The following TTC29 variants were observed in gnomAD, a reference collection of about 807,000 sequenced individuals.
TTC29 encodes tetratricopeptide repeat protein 29.
TTC29 carries 49 observed loss-of-function variants against 58.1 expected under a neutral mutation model. The ratio of observed to expected loss-of-function variants is 0.84; its 90% CI spans 0.67 to 1.07. The LOEUF (loss-of-function observed/expected upper bound fraction) is 1.07. Among genes scored for constraint, TTC29 ranks in the 50% least tolerant of loss-of-function variants. The pLI is 0.00. For synonymous variants in TTC29, 209 were observed against 196.8 expected, an observed-to-expected ratio of 1.06 and a Z score of -0.52; for missense variants, 582 against 555.6, an observed-to-expected ratio of 1.05 and a Z score of -0.48.
At chr4:146,891,864 T>C (rs574055794) in intron 6 of TTC29, among the ~76,000 whole-genome samples, 3 of 152,288 alleles carry the variant, frequency 2.0e-5, no homozygotes, top group South Asian at 2.1e-4. Context: ...TATGGAATTA[T>C]TGCCTGGGAT....
chr4:146,769,726 T>C (rs1414405745), intron 11 of TTC29, among the ~76,000 whole-genome samples: 1 of 152,078 alleles, frequency 6.6e-6, no homozygotes, highest in East Asian at 1.9e-4. Context: ...ACAGTGACCC[T>C]GAATTGGGTT....
intron 11 of TTC29, among the ~76,000 whole-genome samples, chr4:146,780,409 A>T (rs974610120): frequency 6.6e-6 from 1 of 150,932 alleles, no homozygotes; most frequent in Non-Finnish European, 1.5e-5. Context: ...AAAATGCCTA[A>T]ATTATATCAA....
At chr4:146,734,344 A>C (rs1455619857) in intron 11 of TTC29, among the ~76,000 whole-genome samples, 2 of 152,094 alleles carry the variant, frequency 1.3e-5, no homozygotes, top group African/African-American at 4.8e-5. Flanking sequence ...GAGGGTATGA[A>C]AGCTCTGCAC....
chr4:146,784,937 A>G (rs1156425115), intron 11 of TTC29, among the ~76,000 whole-genome samples: 3 of 152,190 alleles, frequency 2.0e-5, no homozygotes, highest in Non-Finnish European at 4.4e-5. Flanking sequence ...ACATAATTTA[A>G]TCTTTTCTTG....
intron 10 of TTC29, among the ~76,000 whole-genome samples, chr4:146,811,265 A>C (rs1751004583): frequency 6.6e-6 from 1 of 152,140 alleles, no homozygotes; most frequent in Non-Finnish European, 1.5e-5. Flanking sequence ...TATGTCATTA[A>C]CTTTCACATG....
intron 9 of TTC29, among the ~76,000 whole-genome samples, chr4:146,825,799 A>C (rs1011376685): frequency 6.6e-6 from 1 of 152,210 alleles, no homozygotes; most frequent in Non-Finnish European, 1.5e-5. Flanking sequence ...CATTGGGTGC[A>C]TATATATTTA....
intron 9 of TTC29, among the ~76,000 whole-genome samples, chr4:146,821,204 G>A (rs1751795008): frequency 6.6e-6 from 1 of 152,256 alleles, no homozygotes; most frequent in South Asian, 2.1e-4. Flanking sequence ...TAGAGGCTGA[G>A]GAAAGTGGAG....
At chr4:146,715,019 G>A (rs1742824386) in intron 11 of TTC29, among the ~76,000 whole-genome samples, 1 of 151,764 alleles carries the variant, frequency 6.6e-6, no homozygotes, top group Non-Finnish European at 1.5e-5. Context: ...AAAAATTCTT[G>A]TAGAGATGGG....
intron 11 of TTC29, among the ~76,000 whole-genome samples, chr4:146,728,378 A>T (rs1743946293): frequency 6.6e-6 from 1 of 151,990 alleles, no homozygotes; most frequent in Non-Finnish European, 1.5e-5. Flanking sequence ...AGTTGTTTGC[A>T]ATCTTTTGTA....
intron 4 of TTC29, among the ~76,000 whole-genome samples, chr4:146,933,448 GATA>G (rs1216455185): frequency 2.6e-5 from 4 of 152,180 alleles, no homozygotes; most frequent in Admixed American, 1.3e-4. Flanking sequence ...ATTATGATAT[GATA>G]ATAAGTGATA....
At chr4:146,721,646 G>A (rs764633256) in intron 11 of TTC29, among the ~76,000 whole-genome samples, 4 of 152,080 alleles carry the variant, frequency 2.6e-5, no homozygotes, top group Non-Finnish European at 4.4e-5. Flanking sequence ...GACAGAGTGA[G>A]TTAACGCATC....
intron 11 of TTC29, among the ~76,000 whole-genome samples, chr4:146,763,389 A>T (rs1747052572): frequency 6.6e-6 from 1 of 152,058 alleles, no homozygotes; most frequent in Non-Finnish European, 1.5e-5. Context: ...AATTTTGTTG[A>T]TGATAATCCA....
intron 10 of TTC29, among the ~76,000 whole-genome samples, chr4:146,804,250 C>T (rs1290561879): frequency 6.6e-6 from 1 of 152,154 alleles, no homozygotes. Context: ...CTTCGCAACC[C>T]ACAGACCAGG....
intron 11 of TTC29, among the ~76,000 whole-genome samples, chr4:146,762,356 T>C (rs1746974705): frequency 6.6e-6 from 1 of 151,466 alleles, no homozygotes; most frequent in Non-Finnish European, 1.5e-5. Flanking sequence ...CTTTTTTTTT[T>C]TTTTTTCCTG....
chr4:146,722,163 A>G (rs988411401), intron 11 of TTC29, among the ~76,000 whole-genome samples: 7 of 152,168 alleles, frequency 4.6e-5, no homozygotes, highest in African/African-American at 1.2e-4. Flanking sequence ...CAAAGAAACC[A>G]TAGATGACAC....
At chr4:146,747,779 C>T (rs1186465907) in intron 11 of TTC29, among the ~76,000 whole-genome samples, 1 of 152,192 alleles carries the variant, frequency 6.6e-6, no homozygotes, top group African/African-American at 2.4e-5. Context: ...TTTCTAGAGC[C>T]AAGAATATGT....
At chr4:146,934,139 G>T (rs10471110) in intron 4 of TTC29, 3,334 of 152,478 alleles carry the variant, frequency 0.022, 107 homozygotes, top group African/African-American at 0.075. Context: ...ATGATCTAAT[G>T]TTTTCAAAAG....
intron 10 of TTC29, among the ~76,000 whole-genome samples, chr4:146,805,040 C>T (rs908085562): frequency 2.0e-5 from 3 of 152,012 alleles, no homozygotes; most frequent in Admixed American, 6.6e-5. Flanking sequence ...GAGGAAGGAA[C>T]AGGCAGCAAT....
At chr4:146,765,452 T>C (rs758796767) in intron 11 of TTC29, among the ~76,000 whole-genome samples, 2 of 152,122 alleles carry the variant, frequency 1.3e-5, no homozygotes, top group Non-Finnish European at 2.9e-5. Context: ...CCACCTGCCT[T>C]GGCCTCCCAA....
Sources: allele counts gnomAD v4.1 joint callset (sites outside exome capture counted in the v4.1 genomes callset), GRCh38; gene constraint gnomAD v4.1.1; transcripts MANE v1.5; gene names NCBI Gene and HGNC (gene_info 2026-07-23, HGNC 2026-07-21).